The following HLCS variants were observed in gnomAD, a reference collection of about 807,000 sequenced individuals.
The protein encoded by HLCS is biotin--protein ligase.
A neutral mutation model predicts 75.0 loss-of-function variants in HLCS; 53 were observed. The observed-to-expected ratio is 0.71, with a 90% CI of 0.57 to 0.89. HLCS has a LOEUF of 0.89. Ranked by LOEUF, HLCS falls within the 40% of genes least tolerant of loss-of-function variation. The pLI is 0.00. For synonymous variants in HLCS, 431 were observed against 428.6 expected, an observed-to-expected ratio of 1.01 and a Z score of -0.07; for missense variants, 966 against 1,074.0, an observed-to-expected ratio of 0.90 and a Z score of 1.41.
At chr21:36,830,350 C>T (rs2062159660) in intron 6 of HLCS, among the ~76,000 whole-genome samples, 1 of 152,220 alleles carries the variant, frequency 6.6e-6, no homozygotes, top group Non-Finnish European at 1.5e-5. Context: ...TCAGCCTTTT[C>T]CCATCCAGTC....
intron 4 of HLCS, among the ~76,000 whole-genome samples, chr21:36,934,132 A>G (rs951426943): frequency 1.3e-5 from 2 of 152,202 alleles, no homozygotes; most frequent in African/African-American, 4.8e-5. Flanking sequence ...GAGGTACTGG[A>G]CTAGAATCTC....
At chr21:36,909,622 T>C (rs2065615843) in intron 5 of HLCS, among the ~76,000 whole-genome samples, 1 of 152,202 alleles carries the variant, frequency 6.6e-6, no homozygotes, top group African/African-American at 2.4e-5. Context: ...AGGCAGCGTC[T>C]TGCTTTGTTG....
At chr21:36,866,188 T>C (rs1293937554) in intron 6 of HLCS, among the ~76,000 whole-genome samples, 8 of 144,328 alleles carry the variant, frequency 5.5e-5, no homozygotes, top group Middle Eastern at 3.4e-3. Flanking sequence ...TATACATGTA[T>C]GTTTCGGGGC....
At chr21:36,829,203 C>T (rs2146039287) in intron 6 of HLCS, among the ~76,000 whole-genome samples, 1 of 152,334 alleles carries the variant, frequency 6.6e-6, no homozygotes, top group South Asian at 2.1e-4. Flanking sequence ...AAATAGCGTA[C>T]TTCACTGTTT....
Position 36,756,076 on chromosome 21 carries a change from C to T in HLCS, c.2450+466G>A, listed in dbSNP as rs1390022424. 2.6e-5 allele frequency among the ~76,000 whole-genome samples: 4 copies of T among 152,244 alleles called. No homozygotes were observed. The East Asian group carries it at 7.7e-4, about 29-fold the overall frequency. ...GATGCTAACTTGGTCAAGGTGGTGT[C>T]CCTGCAGTTTCTCTAACAGAGACAC... On this transcript the variant is annotated intron_variant, in intron 10 of 10. Coordinates refer to ENST00000674895, the MANE Select transcript of HLCS (RefSeq NM_001352514.2).
In HLCS at chr21:36,978,411, T is replaced by C. The variant is rs1215855620; in HGVS notation, c.-393+11747A>G. On this transcript the variant is annotated intron_variant, in intron 1 of 11. Transcript: ENST00000336648. ...CAGGAGGCTGAGGCAAGAGAATCAC[T>C]TGAATCCAGGAAACAGAGGTTGCAG... 3.3e-5 allele frequency among the ~76,000 whole-genome samples: 5 copies of C among 151,798 alleles called. No individual in the cohort carries two copies. In the East Asian group the frequency reaches 9.7e-4, roughly 30 times the overall value.
At chr21:36,979,783 G>A (rs993726287) in intron 1 of HLCS, among the ~76,000 whole-genome samples, 1 of 152,082 alleles carries the variant, frequency 6.6e-6, no homozygotes, top group African/African-American at 2.4e-5. Context: ...GCGGCCAGGT[G>A]TGGTGGCTCA....
At chr21:36,916,923 A>G (rs764550215) in intron 5 of HLCS, among the ~76,000 whole-genome samples, 1 of 152,094 alleles carries the variant, frequency 6.6e-6, no homozygotes, top group African/African-American at 2.4e-5. Flanking sequence ...ACAACCCACA[A>G]TAGGGTCTGG....
intron 6 of HLCS, among the ~76,000 whole-genome samples, chr21:36,843,780 G>A (rs1406600842): frequency 6.6e-6 from 1 of 151,788 alleles, no homozygotes; most frequent in Admixed American, 6.5e-5. Context: ...AGAGGTAGGA[G>A]GCCTGCTTCA....
Position 36,966,429 on chromosome 21 carries a change from G to GGC in HLCS, c.195+14_195+15insGC. The GGC allele has an allele frequency of 1.2e-3, 178 of 144,248 alleles. No individual in the cohort carries two copies. The highest frequency in any genetic ancestry group is 2.0e-3 in the South Asian group (6 of 3,072). 8.9% of individuals were successfully genotyped at this position (144,248 alleles called of 1,614,324 possible). A position where few individuals can be genotyped will look rare whatever the true frequency, so the allele number is the denominator to read the frequency against. ...CTCGCGGGGCCCGGGTCGCCCGCCC[G>GGC]CCCGACCCGCCCACCTGGCTGTCGC... is the stretch of plus-strand genomic sequence containing the variant. On this transcript the variant is annotated intron_variant, in intron 1 of 10. Transcript: ENST00000674895.
At chr21:36,832,631 G>C (rs1449145041) in intron 6 of HLCS, among the ~76,000 whole-genome samples, 4 of 152,222 alleles carry the variant, frequency 2.6e-5, no homozygotes, top group African/African-American at 9.6e-5. Context: ...GAAAGGTTAA[G>C]TGACTTGCCC....
chr21:36,967,586 G>A (rs1164147342), upstream of HLCS, among the ~76,000 whole-genome samples: 2 of 152,222 alleles, frequency 1.3e-5, no homozygotes, highest in Non-Finnish European at 1.5e-5. Context: ...TGTAAAGAAC[G>A]TGTTCTGAAC....
At chr21:36,887,171 A>G (rs2064507881) in intron 6 of HLCS, among the ~76,000 whole-genome samples, 1 of 152,060 alleles carries the variant, frequency 6.6e-6, no homozygotes, top group South Asian at 2.1e-4. Context: ...TCTAGAAGAT[A>G]ATTTGACCAA....
chr21:36,803,025 G>T (rs776956866), intron 6 of HLCS, among the ~76,000 whole-genome samples: 3 of 152,194 alleles, frequency 2.0e-5, no homozygotes. Context: ...TGGGCGATCA[G>T]GGTCCAGTTC....
intron 2 of HLCS, among the ~76,000 whole-genome samples, chr21:36,951,096 C>A (rs1049352989): frequency 6.6e-6 from 1 of 152,200 alleles, no homozygotes; most frequent in African/African-American, 2.4e-5. Context: ...CCCCTTATTT[C>A]TTGCTGCATG....
chr21:36,801,922 C>G (rs536063728), intron 6 of HLCS, among the ~76,000 whole-genome samples: 1 of 152,020 alleles, frequency 6.6e-6, no homozygotes, highest in Non-Finnish European at 1.5e-5. Flanking sequence ...GTGTGAGCCA[C>G]TGCATTCAGC....
Position 36,980,966 on chromosome 21 carries a change from G to GCGTC in HLCS, c.-393+9191_-393+9192insGACG, listed in dbSNP as rs1214853543. ...GCTCAGGCCCTGCCTCGCCAGCACG[G>GCGTC]CATCCGCGGGGGATCCCTACCTGTC... On this transcript the variant is annotated intron_variant, in intron 1 of 11. Coordinates refer to the HLCS transcript ENST00000336648. 3 of 126,814 alleles carry GCGTC rather than the reference G, an allele frequency of 2.4e-5. No homozygotes were observed. The East Asian group carries it at 6.7e-4, about 28-fold the overall frequency. The allele number at this position is 126,814 out of a possible 1,614,324, so 7.9% of individuals were successfully genotyped here. A position where few individuals can be genotyped will look rare whatever the true frequency, so the allele number is the denominator to read the frequency against.
intron 7 of HLCS, among the ~76,000 whole-genome samples, chr21:36,765,707 G>A (rs888464900): frequency 7.2e-5 from 11 of 152,152 alleles, no homozygotes; most frequent in African/African-American, 2.2e-4. Flanking sequence ...AGTGCAGTGC[G>A]TGTGATCTCA....
intron 5 of HLCS, among the ~76,000 whole-genome samples, chr21:36,922,206 T>C (rs2066200354): frequency 6.6e-6 from 1 of 152,196 alleles, no homozygotes; most frequent in African/African-American, 2.4e-5. Context: ...ATTGAAATCA[T>C]AGTCTTTAAC....
Sources: gnomAD v4.1 joint callset for allele counts (sites outside exome capture counted in the v4.1 genomes callset) on GRCh38, gnomAD v4.1.1 for gene constraint, MANE v1.5 for transcripts, NCBI Gene and HGNC (gene_info 2026-07-23, HGNC 2026-07-21) for gene names.